The following TTLL11 variants were observed in gnomAD, a reference collection of about 807,000 sequenced individuals.
TTLL11 encodes the protein tubulin tyrosine ligase like 11.
In TTLL11, 42 loss-of-function variants were observed where a neutral mutation model predicts 51.7. That is an observed-to-expected ratio of 0.81 (90% CI 0.64 to 1.05). The LOEUF is 1.05. Ranked by LOEUF, TTLL11 falls within the 50% of genes least tolerant of loss-of-function variation. The pLI, the probability that TTLL11 is intolerant of heterozygous loss-of-function variation, is 0.00. For synonymous variants in TTLL11, 381 were observed against 383.5 expected, an observed-to-expected ratio of 0.99 and a Z score of 0.08; for missense variants, 799 against 940.4, an observed-to-expected ratio of 0.85 and a Z score of 1.97.
chr9:121,986,420 G>T (rs1041171799), intron 4 of TTLL11, among the ~76,000 whole-genome samples: 1 of 152,194 alleles, frequency 6.6e-6, no homozygotes, highest in Non-Finnish European at 1.5e-5. Flanking sequence ...ATGACCCCTG[G>T]ACGTGTCCAC....
chr9:121,840,550 C>T (rs1234233353), intron 8 of TTLL11, among the ~76,000 whole-genome samples: 2 of 152,176 alleles, frequency 1.3e-5, no homozygotes, highest in East Asian at 3.9e-4. Context: ...CAATTGCCAC[C>T]ATGCTTGGCT....
intron 1 of TTLL11, among the ~76,000 whole-genome samples, chr9:122,078,776 T>C (rs185915800): frequency 6.6e-6 from 1 of 152,300 alleles, no homozygotes; most frequent in Admixed American, 6.5e-5. Context: ...TTCAAACCCC[T>C]ATCTGTGTAG....
chr9:121,829,987 A>C (rs1372512401), intron 8 of TTLL11, among the ~76,000 whole-genome samples: 2 of 152,174 alleles, frequency 1.3e-5, no homozygotes. Flanking sequence ...CTCTCTAATG[A>C]GACTCTGCTC....
chr9:121,971,271 G>T (rs1164628101), intron 6 of TTLL11, among the ~76,000 whole-genome samples: 4 of 108,564 alleles, frequency 3.7e-5, no homozygotes, highest in African/African-American at 6.5e-5. Context: ...GGTGGGGGGG[G>T]GGTCAGCCCC....
chr9:121,996,144 G>A (rs761475788), intron 3 of TTLL11, among the ~76,000 whole-genome samples: 1 of 152,178 alleles, frequency 6.6e-6, no homozygotes, highest in Non-Finnish European at 1.5e-5. Flanking sequence ...GAGTGGCCTG[G>A]ATGGTCCTCC....
rs1161018584 is a variant in TTLL11, at chr9:121,819,176, A to G, written c.*3411T>C. The G allele has an allele frequency of 6.6e-6, 1 of 152,282 alleles. No homozygotes were observed. Among genetic ancestry groups the G allele is most frequent in the Non-Finnish European group, 1.5e-5 (1 of 68,142 alleles). The allele number at this position is 152,282 out of a possible 1,614,324, so 9.4% of individuals were successfully genotyped here. On this transcript the variant is annotated 3_prime_UTR_variant, in exon 9 of 9. Coordinates refer to ENST00000321582, the MANE Select transcript of TTLL11 (RefSeq NM_001139442.2). ...CAGCACTTGCTAACAGCTGCACTGA[A>G]TCTAGCGGGTCTTTATAAGTATAAG...
At chr9:121,852,126 A>G (rs1837680320) in intron 8 of TTLL11, among the ~76,000 whole-genome samples, 1 of 152,124 alleles carries the variant, frequency 6.6e-6, no homozygotes, top group African/African-American at 2.4e-5. Flanking sequence ...TCCTCTGTAT[A>G]TAGGGTCACG....
chr9:122,076,161 G>A (rs190755924), intron 1 of TTLL11, among the ~76,000 whole-genome samples: 65 of 152,192 alleles, frequency 4.3e-4, no homozygotes, highest in South Asian at 8.3e-4. Context: ...TCTGTCCCAG[G>A]GCCAACACCT....
chr9:121,831,209 T>C (rs1369182720), intron 8 of TTLL11, among the ~76,000 whole-genome samples: 1 of 152,216 alleles, frequency 6.6e-6, no homozygotes, highest in Non-Finnish European at 1.5e-5. Context: ...TAAAATAATC[T>C]GGGGACCTTG....
chr9:121,851,373 C>A (rs1837659659), intron 8 of TTLL11, among the ~76,000 whole-genome samples: 1 of 152,140 alleles, frequency 6.6e-6, no homozygotes, highest in Non-Finnish European at 1.5e-5. Context: ...TATAACAGCA[C>A]AATCATGCAA....
intron 3 of TTLL11, among the ~76,000 whole-genome samples, chr9:122,003,428 C>A (rs1346816758): frequency 6.6e-6 from 1 of 150,644 alleles, no homozygotes; most frequent in Non-Finnish European, 1.5e-5. Flanking sequence ...AGCAATTAAT[C>A]TGTGAGACCA....
intron 4 of TTLL11, among the ~76,000 whole-genome samples, chr9:121,977,828 C>T (rs1444174079): frequency 3.9e-5 from 6 of 152,012 alleles, no homozygotes; most frequent in African/African-American, 1.5e-4. Flanking sequence ...ACACGTGCCC[C>T]CATGCCCAGC....
Position 121,989,222 on chromosome 9 carries a change from C to G in TTLL11, c.1242G>C (p.Thr414=), listed in dbSNP as rs144762491. Residue 414 remains threonine (T), a synonymous_variant, in exon 4 of 9, where the codon ACG becomes ACC. Coordinates refer to ENST00000321582, the MANE Select transcript of TTLL11 (RefSeq NM_001139442.2). This position sits in a 1 kb window ranked among gnomAD's most constrained non-coding sequence, Gnocchi z 4.2. The part of the protein sequence containing the change: ...LKVFYQSDIP[T]GRPGPTCFQI... ...GGAAGCACGTGGGGCCCGGCCTCCC[C>G]GTGGGGATGTCTGACTGGTAGAAGA... 1 of 1,614,074 alleles carries G rather than the reference C, an allele frequency of 6.2e-7. No individual in the cohort carries two copies. Among genetic ancestry groups the G allele is most frequent in the Non-Finnish European group, 8.5e-7 (1 of 1,179,944 alleles).
At chr9:121,831,699 CAAAAA>C (rs35519622) in intron 8 of TTLL11, among the ~76,000 whole-genome samples, 1 of 133,408 alleles carries the variant, frequency 7.5e-6, no homozygotes. Context: ...GACTCTGTCT[CAAAAA>C]AAAAAAAAAA....
intron 6 of TTLL11, among the ~76,000 whole-genome samples, chr9:121,932,232 C>T (rs1841014921): frequency 6.6e-6 from 1 of 152,200 alleles, no homozygotes; most frequent in South Asian, 2.1e-4. Context: ...CTAGGCTGGA[C>T]ATTTACACAC....
chr9:121,830,981 A>T (rs1057248349), intron 8 of TTLL11, among the ~76,000 whole-genome samples: 1 of 152,222 alleles, frequency 6.6e-6, no homozygotes. Flanking sequence ...GAGAGCTGAC[A>T]TGGTGGCTTG....
chr9:122,075,192 T>C lies in TTLL11; in HGVS notation c.462+17495A>G, dbSNP rs139701946. Among the ~76,000 whole-genome samples, 5 of 152,364 alleles carry C rather than the reference T, an allele frequency of 3.3e-5. No individual in the cohort carries two copies. The East Asian group carries it at 9.6e-4, about 29-fold the overall frequency. ...ATTTGCTATTGATATGTAAGTACTA[T>C]ATTGATGAATTTAATATTCTTTCCT... is the stretch of plus-strand genomic sequence containing the variant. On this transcript the variant is annotated intron_variant, in intron 1 of 8. Coordinates refer to ENST00000321582, the MANE Select transcript of TTLL11 (RefSeq NM_001139442.2).
chr9:122,088,827 G>A (rs1846190265), intron 1 of TTLL11, among the ~76,000 whole-genome samples: 1 of 152,094 alleles, frequency 6.6e-6, no homozygotes, highest in South Asian at 2.1e-4. Flanking sequence ...CCAACATGGT[G>A]AAACCCCATC....
chr9:121,834,163 A>C (rs563675007), intron 8 of TTLL11, among the ~76,000 whole-genome samples: 6 of 152,338 alleles, frequency 3.9e-5, no homozygotes, highest in African/African-American at 1.4e-4. Context: ...AAGGCGGTTC[A>C]TCACAGGAAT....
Sources: allele counts gnomAD v4.1 joint callset (sites outside exome capture counted in the v4.1 genomes callset), GRCh38; gene constraint gnomAD v4.1.1; non-coding constraint Gnocchi (gnomAD v3.1); transcripts MANE v1.5; gene names NCBI Gene and HGNC (gene_info 2026-07-23, HGNC 2026-07-21).